The following DHX34 variants were observed in gnomAD, a reference collection of about 807,000 sequenced individuals.
The protein encoded by DHX34 is probable ATP-dependent RNA helicase DHX34.
Under a neutral mutation model 111.1 loss-of-function variants are expected in DHX34, and 96 were observed. The ratio of observed to expected loss-of-function variants is 0.86; its 90% CI spans 0.73 to 1.02. The LOEUF (loss-of-function observed/expected upper bound fraction) is 1.02. Ranked by LOEUF, DHX34 falls within the 50% of genes least tolerant of loss-of-function variation. The pLI is 0.00. For missense variants in DHX34, 1,560 were observed against 1,579.9 expected, an observed-to-expected ratio of 0.99 and a Z score of 0.21; for synonymous variants, 688 against 670.4, an observed-to-expected ratio of 1.03 and a Z score of -0.41.
chr19:47,377,291 TGGA>T (rs1970198970), intron 13 of DHX34, 85 bp downstream of exon 13: 2 of 1,416,214 alleles, frequency 1.4e-6, no homozygotes, highest in Non-Finnish European at 1.9e-6. Context: ...CGCGTGGGCT[TGGA>T]GGGGCCACCT....
rs892577504 is a variant in DHX34 at position 47,382,155 on chromosome 19, C to T, written c.*42C>T. On this transcript the variant is annotated 3_prime_UTR_variant, in exon 17 of 17. Coordinates refer to ENST00000328771, the MANE Select transcript of DHX34 (RefSeq NM_014681.6). ...TGCCCACCTCCGTGCAGCTGACCTG[C>T]CCTCCAGCCCAGGACTAGGGGCAGG... is the stretch of plus-strand genomic sequence containing the variant. 2 of 1,608,946 alleles carry T rather than the reference C, an allele frequency of 1.2e-6. No individual in the cohort carries two copies. The highest frequency in any genetic ancestry group is 1.7e-5 in the Admixed American group (1 of 59,204).
chr19:47,361,184 G>C (rs1363346694), intron 5 of DHX34, among the ~76,000 whole-genome samples: 1 of 152,068 alleles, frequency 6.6e-6, no homozygotes, highest in Non-Finnish European at 1.5e-5. Flanking sequence ...CCGGCTGGGC[G>C]CGGTGGCTCA....
chr19:47,380,591 A>G, intron 14 of DHX34: 1 of 981,286 alleles, frequency 1.0e-6, no homozygotes, highest in Non-Finnish European at 1.2e-6. Flanking sequence ...TGACAGGGGC[A>G]GAAGAGGGGC....
intron 16 of DHX34, 167 bp from the exon 17 acceptor site, chr19:47,381,813 A>G (rs1970368790): frequency 1.0e-6 from 1 of 963,804 alleles, no homozygotes; most frequent in South Asian, 4.8e-5. Flanking sequence ...GAGTAAAGAC[A>G]GACCTGTGTA....
In DHX34 at chr19:47,362,932, G is replaced by C. The variant is rs138541654; in HGVS notation, c.1593+239G>C. 7.8e-3 allele frequency among the ~76,000 whole-genome samples: 1,184 copies of C among 151,986 alleles called. 23 individuals carry two copies. Among genetic ancestry groups the C allele is most frequent in the African/African-American group, 0.027 (1,118 of 41,468 alleles). On this transcript the variant is annotated intron_variant, in intron 6 of 16. Transcript: ENST00000328771. ...ACCACAGGCACACACCACCACGCTT[G>C]GCTAACTTTTAAATTTTTATTTATT... is the stretch of plus-strand genomic sequence containing the variant.
At chr19:47,360,198 A>G (rs755184114) in intron 5 of DHX34, 128 bp downstream of exon 5, 12 of 800,966 alleles carry the variant, frequency 1.5e-5, no homozygotes, top group South Asian at 5.1e-5. Context: ...CCCATATCCA[A>G]AATGCTTGCT....
chr19:47,358,449 CA>C (rs1969527294), intron 4 of DHX34, among the ~76,000 whole-genome samples: 1 of 149,832 alleles, frequency 6.7e-6, no homozygotes, highest in East Asian at 1.9e-4. Flanking sequence ...GGCTGTGTTC[CA>C]AAACAGTTTT....
Position 47,382,211 on chromosome 19 carries a change from G to A in DHX34, c.*98G>A. On this transcript the variant is annotated 3_prime_UTR_variant, in exon 17 of 17. Transcript: ENST00000328771. ...TGCCTGAACCCCCAGCCTGGGCTTA[G>A]CCCTGTGGTCCTGTCCCAGTGCAGA... 1 of 1,532,904 alleles carries A rather than the reference G, an allele frequency of 6.5e-7. No homozygotes were observed. Among genetic ancestry groups the A allele is most frequent in the Admixed American group, 2.2e-5 (1 of 46,186 alleles). 95.0% of individuals were successfully genotyped at this position (1,532,904 alleles called of 1,614,324 possible). A position where few individuals can be genotyped will look rare whatever the true frequency, so the allele number is the denominator to read the frequency against.
rs762787749 is a variant in DHX34, at chr19:47,362,531, G to A, written c.1431G>A (p.Glu477=). Residue 477 remains glutamate, a synonymous_variant, in exon 6 of 17, where the codon GAG becomes GAA. Coordinates refer to ENST00000328771, the MANE Select transcript of DHX34 (RefSeq NM_014681.6). ...DPQAKLQRLQ[E]FWISQASAEQ... is the part of the protein sequence containing the mutation. ...AGGCCAAGCTGCAACGGCTGCAGGA[G>A]TTCTGGATTAGTCAGGCCAGCGCAG... 6.2e-7 allele frequency: 1 copy of A among 1,609,312 alleles called. No individual in the cohort carries two copies. Among genetic ancestry groups the A allele is most frequent in the Admixed American group, 1.7e-5 (1 of 59,290 alleles).
intron 6 of DHX34, among the ~76,000 whole-genome samples, chr19:47,365,544 G>A (rs535987896): frequency 6.5e-4 from 99 of 152,244 alleles, no homozygotes; most frequent in African/African-American, 2.2e-3. Context: ...GAGCCACCGC[G>A]CCCGGCCTAT....
chr19:47,360,011 C>T lies in DHX34; in HGVS notation c.1316C>T (p.Ser439Phe), dbSNP rs1290497524. Reference sequence around the variant, plus strand: ...CCTGGAGTCCGGAAATGCATCCTCTCCACCAACATTGCTGAGACCTCAGTC... The same window carrying T: ...CCTGGAGTCCGGAAATGCATCCTCTTCACCAACATTGCTGAGACCTCAGTC... Reference protein sequence around the residue: ...APPGVRKCILSTNIAETSVTI... With the variant: ...APPGVRKCILFTNIAETSVTI... The change falls in exon 5 of 17, where the codon TCC becomes TTC. Residue 439 changes from serine (S) to phenylalanine (F), a missense_variant. By Grantham distance (155) the Ser-to-Phe change is radical (BLOSUM62 -2). Coordinates refer to ENST00000328771, the MANE Select transcript of DHX34 (RefSeq NM_014681.6). 6.2e-7 allele frequency: 1 copy of T among 1,614,072 alleles called. No individual in the cohort carries two copies. Among genetic ancestry groups the T allele is most frequent in the Non-Finnish European group, 8.5e-7 (1 of 1,180,008 alleles).
intron 7 of DHX34, among the ~76,000 whole-genome samples, chr19:47,371,348 C>G (rs575539828): frequency 3.7e-4 from 56 of 152,370 alleles, no homozygotes; most frequent in Non-Finnish European, 7.5e-4. Flanking sequence ...TGACCCTGTG[C>G]TGGGCGTCCT....
rs1373657796 is a variant in DHX34, at chr19:47,367,145, C to T, written c.1758C>T (p.Asp586=). The T allele has an allele frequency of 8.5e-6, 13 of 1,537,956 alleles. No individual in the cohort carries two copies. Among genetic ancestry groups the T allele is most frequent in the South Asian group, 3.7e-5 (3 of 81,398 alleles). Residue 586 remains aspartate (D), a synonymous_variant, in exon 7 of 17, where the codon GAC becomes GAT. Transcript: ENST00000328771. ...CCCTGCTAGCCCAGCTGCCTGTGGA[C>T]GTTGTGATTGGTGAGTACCCACCCC... is the stretch of plus-strand genomic sequence containing the variant. ...IGSLLAQLPV[D]VVIGKMLILG...
Position 47,353,184 on chromosome 19 carries a change from C to G in DHX34, c.154C>G (p.Gln52Glu), listed in dbSNP as rs1371789828. ...CTTCCGTGAAGAGGATTACATCCGT[C>G]AGGGTTCTGAGGAATGTCAGAAGTT... is the stretch of plus-strand genomic sequence containing the variant. ...AFFREEDYIR[Q>E]GSEECQKFWT... is the part of the protein sequence containing the mutation. The change falls in exon 2 of 17, where the codon CAG becomes GAG. Residue 52 changes from glutamine (Q) to glutamate (E), a missense_variant. Physicochemically the swap from Gln to Glu is conservative, Grantham distance 29 (BLOSUM62 2). Transcript: ENST00000328771. The surrounding 1 kb of genome is among the most constrained non-coding windows in gnomAD (Gnocchi z 4.6). The G allele has an allele frequency of 1.2e-6, 2 of 1,614,196 alleles. No homozygotes were observed. Among genetic ancestry groups the G allele is most frequent in the East Asian group, 4.5e-5 (2 of 44,890 alleles).
chr19:47,353,383 C>T lies in DHX34; in HGVS notation c.353C>T (p.Ser118Phe), dbSNP rs751706363. The change falls in exon 2 of 17, where the codon TCT becomes TTT. Residue 118 changes from serine (S) to phenylalanine (F), a missense_variant. Transcript: ENST00000328771. This position sits in a 1 kb window ranked among gnomAD's most constrained non-coding sequence, Gnocchi z 4.6. ...LSVLGPATRG[S>F]QGLGRHLPAE... ...GTTCTTGGCCCTGCCACGCGGGGCT[C>T]TCAGGGACTGGGCAGGCACTTGCCC... 3.1e-6 allele frequency: 5 copies of T among 1,614,076 alleles called. No homozygotes were observed. The highest frequency in any genetic ancestry group is 4.2e-6 in the Non-Finnish European group (5 of 1,180,054).
chr19:47,369,553 C>T (rs1568401828), intron 7 of DHX34, among the ~76,000 whole-genome samples: 1 of 152,142 alleles, frequency 6.6e-6, no homozygotes, highest in Non-Finnish European at 1.5e-5. Context: ...TCACATGTAA[C>T]AGGGGAGATG....
At chr19:47,373,534 C>T (rs765101679) in intron 8 of DHX34, 65 bp from the exon 9 acceptor site, 329 of 1,559,938 alleles carry the variant, frequency 2.1e-4, no homozygotes, top group Non-Finnish European at 2.6e-4. Flanking sequence ...TCTGGGTGCT[C>T]GGTCAGCCCC....
chr19:47,367,362 A>AT (rs1259872156), intron 7 of DHX34, among the ~76,000 whole-genome samples: 1 of 152,196 alleles, frequency 6.6e-6, no homozygotes, highest in Non-Finnish European at 1.5e-5. Context: ...GGGAGCTGAC[A>AT]TTTTGGTGAA....
chr19:47,366,830 T>C (rs1377267044), intron 6 of DHX34, 151 bp from the exon 7 acceptor site: 5 of 1,338,622 alleles, frequency 3.7e-6, no homozygotes, highest in Non-Finnish European at 4.8e-6. Context: ...TGCCTTGGCC[T>C]TTCAAAGTGC....
Sources: allele counts gnomAD v4.1 joint callset (sites outside exome capture counted in the v4.1 genomes callset), GRCh38; gene constraint gnomAD v4.1.1; non-coding constraint Gnocchi (gnomAD v3.1); transcripts MANE v1.5; gene names NCBI Gene and HGNC (gene_info 2026-07-23, HGNC 2026-07-21).